The following NFIB variants were observed in gnomAD, a reference collection of about 807,000 sequenced individuals.
NFIB encodes the protein nuclear factor 1 B-type.
In NFIB, 11 loss-of-function variants were observed where a neutral mutation model predicts 61.5. The ratio of observed to expected loss-of-function variants is 0.18; its 90% CI spans 0.11 to 0.30. The LOEUF (loss-of-function observed/expected upper bound fraction) is 0.30. NFIB is among the 10% of genes least tolerant of loss of function. The pLI is 1.00. For synonymous variants in NFIB, 260 were observed against 216.5 expected (o/e 1.20, Z -1.76); for missense variants, 471 against 608.9 (o/e 0.77, Z 2.38).
intron 2 of NFIB, among the ~76,000 whole-genome samples, chr9:14,181,331 G>A (rs2046751473): frequency 6.6e-6 from 1 of 152,106 alleles, no homozygotes; most frequent in East Asian, 1.9e-4. Context: ...ATTGTTTCCT[G>A]ATTTTTCAAA....
At chr9:14,137,812 G>C (rs991600445) in intron 6 of NFIB, among the ~76,000 whole-genome samples, 1 of 151,932 alleles carries the variant, frequency 6.6e-6, no homozygotes, top group Admixed American at 6.6e-5. Context: ...TAGAACTTAG[G>C]ATTATTTATT....
the NFIB span, among the ~76,000 whole-genome samples, chr9:14,447,938 A>G: frequency 6.6e-6 from 1 of 152,200 alleles, no homozygotes; most frequent in Non-Finnish European, 1.5e-5. Flanking sequence ...CATAGAAGGA[A>G]GGCTGATCAA....
the NFIB span, among the ~76,000 whole-genome samples, chr9:14,451,341 T>G: frequency 6.6e-6 from 1 of 152,244 alleles, no homozygotes; most frequent in African/African-American, 2.4e-5. Context: ...TCTTTTGAAA[T>G]TTTATTGTGA....
intron 2 of NFIB, among the ~76,000 whole-genome samples, chr9:14,236,977 T>A (rs1398413632): frequency 6.6e-6 from 1 of 152,198 alleles, no homozygotes; most frequent in African/African-American, 2.4e-5. Context: ...CATTTTTTTT[T>A]CTTCTTCCCC....
the NFIB span, among the ~76,000 whole-genome samples, chr9:14,516,386 C>T: frequency 6.6e-6 from 1 of 152,118 alleles, no homozygotes; most frequent in Non-Finnish European, 1.5e-5. Context: ...AATTCTGTTA[C>T]CTTCTTTCCT....
At chr9:14,318,670 T>TA (rs548389317), upstream of NFIB, among the ~76,000 whole-genome samples, 3 of 152,262 alleles carry the variant, frequency 2.0e-5, no homozygotes, top group South Asian at 6.2e-4. Context: ...AAACTGCAAG[T>TA]ATCTACTGCA....
At position 14,122,438 on chromosome 9, in the gene NFIB, A is replaced by G. The variant is rs183609042; in HGVS notation, c.1061-1814T>C. On this transcript the variant is annotated intron_variant, in intron 7 of 10. Coordinates refer to ENST00000380953, the MANE Select transcript of NFIB (RefSeq NM_001190737.2). Reference sequence around the variant, plus strand: ...GGTAAGGCACCAAAATGTATATTTTAAATAAGTGTCCATGTAATCTTCCTA... The same window carrying G: ...GGTAAGGCACCAAAATGTATATTTTGAATAAGTGTCCATGTAATCTTCCTA... Among the ~76,000 whole-genome samples, 118 of 152,320 alleles carry G rather than the reference A, an allele frequency of 7.7e-4. No individual in the cohort carries two copies. In the Middle Eastern group the frequency reaches 0.017, roughly 22 times the overall value.
intron 2 of NFIB, among the ~76,000 whole-genome samples, chr9:14,184,742 T>A (rs1487185957): frequency 1.3e-5 from 2 of 152,212 alleles, no homozygotes; most frequent in East Asian, 1.9e-4. Context: ...GTAAATCAAT[T>A]AAGATTTATG....
the NFIB span, among the ~76,000 whole-genome samples, chr9:14,422,277 G>C: frequency 1.3e-5 from 2 of 152,086 alleles, no homozygotes; most frequent in African/African-American, 2.4e-5. Flanking sequence ...CTGGTTATTG[G>C]CCACTTTTAC....
chr9:14,419,567 AACGAGCCC>A, the NFIB span, among the ~76,000 whole-genome samples: 5 of 152,296 alleles, frequency 3.3e-5, no homozygotes, highest in African/African-American at 1.2e-4. Context: ...TTAATTTTGC[AACGAGCCC>A]TGTTACGTTA....
chr9:14,477,540 T>C, the NFIB span, among the ~76,000 whole-genome samples: 1 of 152,034 alleles, frequency 6.6e-6, no homozygotes, highest in South Asian at 2.1e-4. Flanking sequence ...GTATGTGGCA[T>C]ATGGTGGGAT....
At chr9:14,259,040 T>C (rs530394256) in intron 2 of NFIB, among the ~76,000 whole-genome samples, 57 of 152,262 alleles carry the variant, frequency 3.7e-4, no homozygotes, top group African/African-American at 1.3e-3. Flanking sequence ...TATAATCAAA[T>C]TTGTGGTTTT....
intron 1 of NFIB, among the ~76,000 whole-genome samples, chr9:14,346,290 A>ACACC (rs2061019386): frequency 1.1e-5 from 1 of 88,392 alleles, no homozygotes. Flanking sequence ...GGTAACCGAC[A>ACACC]CCCCCCCCCC....
chr9:14,187,077 G>T (rs557703519), intron 2 of NFIB, among the ~76,000 whole-genome samples: 116 of 145,450 alleles, frequency 8.0e-4, no homozygotes, highest in African/African-American at 3.0e-3. Context: ...GTGTGTGCCT[G>T]TGTCTCCCTT....
chr9:14,188,120 G>A (rs966312214), intron 2 of NFIB, among the ~76,000 whole-genome samples: 6 of 152,148 alleles, frequency 3.9e-5, no homozygotes, highest in East Asian at 3.9e-4. Context: ...CAAAAACACC[G>A]TACTGGTCAT....
chr9:14,449,314 G>A, the NFIB span, among the ~76,000 whole-genome samples: 1 of 152,080 alleles, frequency 6.6e-6, no homozygotes, highest in Non-Finnish European at 1.5e-5. Context: ...TGGAATCATT[G>A]AGAGAGCTAA....
chr9:14,467,879 G>T, the NFIB span, among the ~76,000 whole-genome samples: 3 of 152,108 alleles, frequency 2.0e-5, no homozygotes, highest in African/African-American at 7.2e-5. Context: ...AAAAAACTGA[G>T]GCTGAGTGAG....
intron 1 of NFIB, among the ~76,000 whole-genome samples, chr9:14,360,094 C>T (rs1411194482): frequency 6.6e-6 from 1 of 152,154 alleles, no homozygotes; most frequent in Non-Finnish European, 1.5e-5. Flanking sequence ...TGGTCAGTTA[C>T]TATTTAAATG....
chr9:14,399,960 T>C (rs776596563), upstream of NFIB, among the ~76,000 whole-genome samples: 3 of 152,168 alleles, frequency 2.0e-5, no homozygotes, highest in Non-Finnish European at 4.4e-5. Flanking sequence ...GAAATCATCT[T>C]ACATGACAAT....
Sources: allele counts gnomAD v4.1 joint callset (sites outside exome capture counted in the v4.1 genomes callset), GRCh38; gene constraint gnomAD v4.1.1; transcripts MANE v1.5; gene names NCBI Gene and HGNC (gene_info 2026-07-23, HGNC 2026-07-21).